KHDRBS1: variants seen among roughly 807,000 people sequenced by gnomAD.
The protein encoded by KHDRBS1 is KH domain-containing, RNA-binding, signal transduction-associated protein 1.
KHDRBS1 carries 7 observed loss-of-function variants against 48.4 expected under a neutral mutation model. That is an observed-to-expected ratio of 0.14 (90% CI 0.08 to 0.27). The LOEUF is 0.27. Among genes scored for constraint, KHDRBS1 ranks in the 10% least tolerant of loss-of-function variants. KHDRBS1 has a pLI of 1.00. For synonymous variants in KHDRBS1, 241 were observed against 235.8 expected (o/e 1.02, Z -0.20); for missense variants, 458 against 601.2 (o/e 0.76, Z 2.49).
chr1:32,026,685 T>C (rs929149679), intron 1 of KHDRBS1, among the ~76,000 whole-genome samples: 1 of 152,266 alleles, frequency 6.6e-6, no homozygotes, highest in Non-Finnish European at 1.5e-5. Flanking sequence ...CGTCTTGCAC[T>C]GACCAAGGTT....
intron 1 of KHDRBS1, among the ~76,000 whole-genome samples, chr1:32,018,156 T>G (rs1480248471): frequency 6.6e-6 from 1 of 152,158 alleles, no homozygotes; most frequent in East Asian, 1.9e-4. Flanking sequence ...TAGCAAAACC[T>G]GCTTTTAAAA....
intron 8 of KHDRBS1, among the ~76,000 whole-genome samples, chr1:32,040,328 A>C (rs956760761): frequency 1.3e-5 from 2 of 152,056 alleles, no homozygotes; most frequent in Non-Finnish European, 2.9e-5. Flanking sequence ...AGGCATGAGA[A>C]TCACTTGAAC....
intron 7 of KHDRBS1, among the ~76,000 whole-genome samples, chr1:32,039,134 G>A (rs138316553): frequency 6.6e-6 from 1 of 152,232 alleles, no homozygotes; most frequent in East Asian, 1.9e-4. Flanking sequence ...TTCCTTGTGT[G>A]TCCATATATA....
At chr1:32,059,819 G>A (rs1371025656) in intron 10 of KHDRBS1, among the ~76,000 whole-genome samples, 2 of 152,132 alleles carry the variant, frequency 1.3e-5, no homozygotes, top group Admixed American at 1.3e-4. Context: ...ACAGCAGAAA[G>A]CATTTTTCCC....
At chr1:32,026,754 C>T (rs1253501976) in intron 1 of KHDRBS1, among the ~76,000 whole-genome samples, 1 of 152,146 alleles carries the variant, frequency 6.6e-6, no homozygotes, top group Non-Finnish European at 1.5e-5. Flanking sequence ...CCCTCGGAAG[C>T]ACAAAGCGAC....
intron 10 of KHDRBS1, among the ~76,000 whole-genome samples, chr1:32,056,195 C>T (rs755560174): frequency 2.0e-5 from 3 of 149,994 alleles, no homozygotes; most frequent in East Asian, 2.0e-4. Flanking sequence ...GGGAATGGGC[C>T]GATAGGAGTT....
chr1:32,037,118 A>C (rs1040936460), intron 5 of KHDRBS1, 75 bp downstream of exon 5: 26 of 1,505,462 alleles, frequency 1.7e-5, no homozygotes, highest in Non-Finnish European at 2.0e-5. Flanking sequence ...TGGTGCTCTT[A>C]TGTCTAGCTT....
At chr1:32,019,294 A>G (rs1638807522) in intron 1 of KHDRBS1, among the ~76,000 whole-genome samples, 1 of 152,194 alleles carries the variant, frequency 6.6e-6, no homozygotes, top group Admixed American at 6.5e-5. Context: ...TCACGCCTGT[A>G]ATCCCAGCAT....
chr1:32,049,254 C>T lies in KHDRBS1; in HGVS notation n.1301+3864C>T, dbSNP rs983222346. ...TATTTTTGGTAGAGGTGGGGTTTCA[C>T]CGTGTTGGCCAGGCTGGTCTCGAAC... On this transcript the variant is annotated intron_variant and non_coding_transcript_variant, in intron 10 of 10. Transcript: ENST00000484270. Among the ~76,000 whole-genome samples the T allele has an allele frequency of 3.3e-5, 5 of 151,918 alleles. 1 individual carries two copies. The highest frequency in any genetic ancestry group is 5.9e-5 in the Non-Finnish European group (4 of 67,976).
intron 1 of KHDRBS1, among the ~76,000 whole-genome samples, chr1:32,018,030 A>G (rs900596440): frequency 2.0e-5 from 3 of 152,240 alleles, no homozygotes; most frequent in African/African-American, 7.2e-5. Context: ...CCATCCTTCA[A>G]AAGCATACAG....
At chr1:32,018,183 G>C (rs538926302) in intron 1 of KHDRBS1, among the ~76,000 whole-genome samples, 10 of 152,274 alleles carry the variant, frequency 6.6e-5, no homozygotes, top group Admixed American at 5.2e-4. Flanking sequence ...AATAAGGGCC[G>C]GGCCTGGTGG....
intron 4 of KHDRBS1, among the ~76,000 whole-genome samples, chr1:32,036,364 T>A (rs763279453): frequency 1.3e-5 from 2 of 151,924 alleles, no homozygotes; most frequent in Non-Finnish European, 2.9e-5. Flanking sequence ...AGAGATAGCG[T>A]TTCACCGTGT....
intron 8 of KHDRBS1, among the ~76,000 whole-genome samples, chr1:32,040,406 G>A (rs1017358527): frequency 2.7e-5 from 4 of 149,920 alleles, no homozygotes; most frequent in South Asian, 2.1e-4. Flanking sequence ...ACAAAAGTCC[G>A]TCTCAAAAAA....
chr1:32,037,760 A>G, intron 5 of KHDRBS1, 75 bp from the exon 6 acceptor site: 1 of 1,532,068 alleles, frequency 6.5e-7, no homozygotes, highest in Non-Finnish European at 9.0e-7. Context: ...TAATTCCAGA[A>G]TTTGTAAACA....
intron 1 of KHDRBS1, among the ~76,000 whole-genome samples, chr1:32,017,461 A>G (rs1638764855): frequency 6.6e-6 from 1 of 152,060 alleles, no homozygotes; most frequent in Admixed American, 6.6e-5. Context: ...GCTGTTGTAT[A>G]TATTCGAATG....
chr1:32,044,086 C>T (rs1456398727), downstream of KHDRBS1, among the ~76,000 whole-genome samples: 1 of 152,054 alleles, frequency 6.6e-6, no homozygotes, highest in East Asian at 1.9e-4. Flanking sequence ...CTTTTTCACC[C>T]CCTGGAAGTT....
chr1:32,030,222 C>T, intron 1 of KHDRBS1, 76 bp from the exon 2 acceptor site: 1 of 1,231,354 alleles, frequency 8.1e-7, no homozygotes, highest in South Asian at 1.4e-5. Context: ...TATGGTATTC[C>T]ATGTTATTGC....
At chr1:32,018,869 G>C (rs1367568553) in intron 1 of KHDRBS1, among the ~76,000 whole-genome samples, 1 of 152,256 alleles carries the variant, frequency 6.6e-6, no homozygotes, top group East Asian at 1.9e-4. Flanking sequence ...TCAGAAGTTC[G>C]AGACCAGTCT....
intron 1 of KHDRBS1, among the ~76,000 whole-genome samples, chr1:32,026,303 C>T (rs943338306): frequency 6.6e-6 from 1 of 152,062 alleles, no homozygotes; most frequent in Non-Finnish European, 1.5e-5. Context: ...GGACCACAGG[C>T]GCATACCACC....
Sources: allele counts gnomAD v4.1 joint callset (sites outside exome capture counted in the v4.1 genomes callset), GRCh38; gene constraint gnomAD v4.1.1; transcripts MANE v1.5; gene names NCBI Gene and HGNC (gene_info 2026-07-23, HGNC 2026-07-21).